The following TMEM79 variants were observed in gnomAD, a reference collection of about 807,000 sequenced individuals.
The protein encoded by TMEM79 is transmembrane protein 79, also known as mattrin.
A neutral mutation model predicts 31.2 loss-of-function variants in TMEM79; 30 were observed. The observed-to-expected ratio is 0.96, with a 90% CI of 0.72 to 1.30. TMEM79 has a LOEUF of 1.30. TMEM79 is among the 50% of genes most tolerant of loss of function. The pLI is 0.00. For synonymous variants in TMEM79, 213 were observed against 229.5 expected (o/e 0.93, Z 0.65); for missense variants, 509 against 528.2 (o/e 0.96, Z 0.36).
At chr1:156,284,211 T>C (rs1361423104), upstream of TMEM79, 2 of 152,276 alleles carry the variant, frequency 1.3e-5, no homozygotes, top group Admixed American at 6.5e-5. Context: ...TGATGCTTTT[T>C]TTTGTCGGCA....
intron 3 of TMEM79, among the ~76,000 whole-genome samples, chr1:156,286,721 C>T (rs1014795191): frequency 6.6e-5 from 10 of 152,362 alleles, no homozygotes; most frequent in African/African-American, 2.2e-4. Flanking sequence ...TAGATCAATG[C>T]ACCCATTGCA....
chr1:156,286,998 C>T (rs1663187159), intron 3 of TMEM79, among the ~76,000 whole-genome samples: 1 of 152,070 alleles, frequency 6.6e-6, no homozygotes, highest in Non-Finnish European at 1.5e-5. Flanking sequence ...TGGTGCACAC[C>T]TGTAGTCCCA....
rs1471770036 is a variant in TMEM79 at position 156,291,583 on chromosome 1, C to T, written c.1170C>T (p.Pro390=). 1.9e-6 allele frequency: 3 copies of T among 1,611,576 alleles called. No homozygotes were observed. In the East Asian group the frequency reaches 6.7e-5, roughly 36 times the overall value. The part of the protein sequence containing the change: ...DHARSASDYR[P]RPWG Reference sequence around the variant, plus strand: ...CCCGCTCGGCCTCCGACTACAGGCCCCGCCCCTGGGGCTGAGCCTCTCCGC... The same window carrying T: ...CCCGCTCGGCCTCCGACTACAGGCCTCGCCCCTGGGGCTGAGCCTCTCCGC... Residue 390 remains proline (P), a synonymous_variant, in exon 4 of 4, where the codon CCC becomes CCT. Transcript: ENST00000405535.
intron 2 of TMEM79, 35 bp from the exon 3 acceptor site, chr1:156,286,225 T>C (rs749492588): frequency 6.2e-7 from 1 of 1,607,410 alleles, no homozygotes; most frequent in East Asian, 2.2e-5. Context: ...TCCCCTGCCT[T>C]TTCTGACCCT....
intron 3 of TMEM79, among the ~76,000 whole-genome samples, chr1:156,287,764 C>CCA (rs1259615824): frequency 6.6e-6 from 1 of 151,782 alleles, no homozygotes; most frequent in Non-Finnish European, 1.5e-5. Context: ...TTACAGGCGC[C>CCA]CACCACCAGG....
rs963157195 is a variant in TMEM79 at position 156,285,229 on chromosome 1, GACAGA to G, written c.8_12del (p.Glu3GlyfsTer12). On this transcript the variant is annotated frameshift_variant, in exon 2 of 4. Coordinates refer to ENST00000405535, the MANE Select transcript of TMEM79 (RefSeq NM_032323.3). LOFTEE classifies it high-confidence loss of function. The stretch of plus-strand genomic sequence containing the variant: ...GATCCCAGAACTGAGGCCCCAGGAT[GACAGA>G]ACAGGAGACCCTGGCCCTACTGGAA... The G allele has an allele frequency of 2.0e-6, 3 of 1,528,230 alleles. No homozygotes were observed. In the African/African-American group the frequency reaches 4.2e-5, roughly 21 times the overall value. 94.7% of individuals were successfully genotyped at this position (1,528,230 alleles called of 1,614,324 possible).
chr1:156,291,529 C>A lies in TMEM79; in HGVS notation c.1116C>A (p.Thr372=), dbSNP rs1276716478. The A allele has an allele frequency of 6.2e-7, 1 of 1,610,382 alleles. No individual in the cohort carries two copies. The highest frequency in any genetic ancestry group is 8.5e-7 in the Non-Finnish European group (1 of 1,180,004). The change falls in exon 4 of 4, where the codon ACC becomes ACA. Residue 372 remains threonine, a synonymous_variant. Transcript: ENST00000405535. The part of the protein sequence containing the change: ...VVEPERMLTA[T]ESRLDYPDHA... ...AGCCGGAGCGCATGCTCACTGCCAC[C>A]GAGAGCCGCCTGGACTACCCGGACC...
chr1:156,288,482 GA>G (rs993564426), intron 3 of TMEM79, among the ~76,000 whole-genome samples: 4 of 151,852 alleles, frequency 2.6e-5, no homozygotes, highest in African/African-American at 4.8e-5. Flanking sequence ...TTACAGGTGT[GA>G]GCCACCATGC....
rs36114587 is a variant in TMEM79, at chr1:156,285,844, C to T, written c.618C>T (p.Ala206=). The change falls in exon 2 of 4, where the codon GCC becomes GCT. Residue 206 remains alanine, a synonymous_variant. Transcript: ENST00000405535. Reference sequence around the variant, plus strand: ...TAAGGGCTGTGGCCTCCGTGGGAGCCGCACTCATTCTCTTCCCTTGCCTAC... The same window carrying T: ...TAAGGGCTGTGGCCTCCGTGGGAGCTGCACTCATTCTCTTCCCTTGCCTAC... ...EWLRAVASVG[A]ALILFPCLLY... The T allele has an allele frequency of 1.9e-5, 31 of 1,613,552 alleles. No homozygotes were observed. Among genetic ancestry groups the T allele is most frequent in the Non-Finnish European group, 2.3e-5 (27 of 1,180,030 alleles).
chr1:156,285,832 C>T lies in TMEM79; in HGVS notation c.606C>T (p.Ala202=). Residue 202 remains alanine (A), a synonymous_variant, in exon 2 of 4, where the codon GCC becomes GCT. Transcript: ENST00000405535. Reference sequence around the variant, plus strand: ...ACCGTGAGTGGCTAAGGGCTGTGGCCTCCGTGGGAGCCGCACTCATTCTCT... The same window carrying T: ...ACCGTGAGTGGCTAAGGGCTGTGGCTTCCGTGGGAGCCGCACTCATTCTCT... The part of the protein sequence containing the change: ...CGDREWLRAV[A]SVGAALILFP... 3.7e-6 allele frequency: 6 copies of T among 1,613,664 alleles called. No homozygotes were observed. Among genetic ancestry groups the T allele is most frequent in the South Asian group, 3.3e-5 (3 of 91,088 alleles).
chr1:156,291,627 G>C lies in TMEM79; in HGVS notation c.*29G>C. The C allele has an allele frequency of 6.2e-7, 1 of 1,603,796 alleles. No individual in the cohort carries two copies. The highest frequency in any genetic ancestry group is 8.5e-7 in the Non-Finnish European group (1 of 1,172,494). The stretch of plus-strand genomic sequence containing the variant: ...TCTCCGCCCTCGCCCTCGGAGTAGG[G>C]GGTAGCGGCTTGGGTCTGACACATC... On this transcript the variant is annotated 3_prime_UTR_variant, in exon 4 of 4. Transcript: ENST00000405535.
rs748916173 is a variant in TMEM79 at position 156,285,921 on chromosome 1, T to A, written c.695T>A (p.Met232Lys). The A allele has an allele frequency of 1.4e-5, 21 of 1,518,712 alleles. No homozygotes were observed. The highest frequency in any genetic ancestry group is 1.6e-5 in the Non-Finnish European group (18 of 1,129,284). The allele number at this position is 1,518,712 out of a possible 1,614,324, so 94.1% of individuals were successfully genotyped here. A position where few individuals can be genotyped will look rare whatever the true frequency, so the allele number is the denominator to read the frequency against. ...LPFDVPRLPT[M>K]SSRLIYTLRC... ...TTTGATGTCCCACGGCTGCCCACCA[T>A]GAGTTCCCGCCTGATCTACACACTG... The change falls in exon 2 of 4, where the codon ATG becomes AAG. Residue 232 changes from methionine (M) to lysine (K), a missense_variant. By Grantham distance (95) the Met-to-Lys change is moderately conservative. Transcript: ENST00000405535.
At chr1:156,288,107 C>T (rs1157486095) in intron 3 of TMEM79, among the ~76,000 whole-genome samples, 2 of 149,588 alleles carry the variant, frequency 1.3e-5, no homozygotes, top group East Asian at 2.0e-4. Context: ...CCCAACTACT[C>T]GGGAGGCTGA....
chr1:156,285,566 C>G lies in TMEM79; in HGVS notation c.340C>G (p.Pro114Ala). ...SEPLTKLEEL[P>A]EDDANLLPEK... ...ACCACTTACCAAGCTAGAGGAGCTG[C>G]CCGAAGACGATGCCAACCTGCTGCC... is the stretch of plus-strand genomic sequence containing the variant. The change falls in exon 2 of 4, where the codon CCC becomes GCC. Residue 114 changes from proline to alanine, a missense_variant. By Grantham distance (27) the Pro-to-Ala change is conservative (BLOSUM62 -1). Coordinates refer to ENST00000405535, the MANE Select transcript of TMEM79 (RefSeq NM_032323.3). 1 of 1,614,248 alleles carries G rather than the reference C, an allele frequency of 6.2e-7. No homozygotes were observed.
intron 3 of TMEM79, chr1:156,290,535 A>G (rs1462432851): frequency 1.8e-4 from 3 of 16,750 alleles, no homozygotes; most frequent in African/African-American, 7.0e-4. Flanking sequence ...CCCATCTATA[A>G]TTTAAAAAAA....
chr1:156,287,139 G>A (rs1027892080), intron 3 of TMEM79, among the ~76,000 whole-genome samples: 13 of 151,908 alleles, frequency 8.6e-5, no homozygotes, highest in Admixed American at 2.0e-4. Flanking sequence ...ATAAATAGCC[G>A]GGTGTAGTGG....
At chr1:156,291,307 C>T (rs917332735) in intron 3 of TMEM79, 78 bp from the exon 4 acceptor site, 1 of 1,348,790 alleles carries the variant, frequency 7.4e-7, no homozygotes, top group Admixed American at 1.7e-5. Flanking sequence ...CCTATCTACT[C>T]CCCCCACCGT....
chr1:156,285,761 G>T lies in TMEM79; in HGVS notation c.535G>T (p.Val179Leu), dbSNP rs755569762. The change falls in exon 2 of 4, where the codon GTG (valine) becomes TTG (leucine). Residue 179 changes from valine (V) to leucine (L), a missense_variant. Physicochemically the swap from Val to Leu is conservative, Grantham distance 32. Coordinates refer to ENST00000405535, the MANE Select transcript of TMEM79 (RefSeq NM_032323.3). ...PTERKWAEAV[V>L]RPPGCSCGGC... Reference sequence around the variant, plus strand: ...TGAGCGCAAGTGGGCTGAGGCAGTGGTGAGGCCGCCTGGCTGTTCCTGTGG... The same window carrying T: ...TGAGCGCAAGTGGGCTGAGGCAGTGTTGAGGCCGCCTGGCTGTTCCTGTGG... 5 of 1,613,360 alleles carry T rather than the reference G, an allele frequency of 3.1e-6. No individual in the cohort carries two copies. In the South Asian group the frequency reaches 5.5e-5, roughly 18 times the overall value.
At chr1:156,290,138 G>A (rs1663275037) in intron 3 of TMEM79, 1 of 152,128 alleles carries the variant, frequency 6.6e-6, no homozygotes, top group Non-Finnish European at 1.5e-5. Context: ...ATGATCTCCA[G>A]GATATATTAA....
Sources: allele counts gnomAD v4.1 joint callset (sites outside exome capture counted in the v4.1 genomes callset), GRCh38; gene constraint gnomAD v4.1.1; transcripts MANE v1.5; gene names NCBI Gene and HGNC (gene_info 2026-07-23, HGNC 2026-07-21).